The following HS6ST3 variants were observed in gnomAD, a reference collection of about 807,000 sequenced individuals.
HS6ST3 encodes heparan sulfate 6-O-sulfotransferase 3.
HS6ST3 carries 12 observed loss-of-function variants against 36.7 expected under a neutral mutation model. That is an observed-to-expected ratio of 0.33 (90% confidence interval 0.21 to 0.53). The LOEUF (loss-of-function observed/expected upper bound fraction) is 0.53, where lower values mean the gene tolerates loss of function less well. HS6ST3 is among the 20% of genes least tolerant of loss of function. The probability of loss-of-function intolerance (pLI) is 0.95; values close to 1 mark genes in which losing one functional copy is unlikely to be tolerated. For missense variants in HS6ST3, 584 were observed against 640.9 expected, an observed-to-expected ratio of 0.91 and a Z score of 0.96; for synonymous variants, 240 against 257.5, an observed-to-expected ratio of 0.93 and a Z score of 0.65.
chr13:96,548,971 C>T (rs2056208501), intron 1 of HS6ST3, among the ~76,000 whole-genome samples: 1 of 152,202 alleles, frequency 6.6e-6, no homozygotes, highest in South Asian at 2.1e-4. Flanking sequence ...TTGACACATA[C>T]AATCAACCCT....
chr13:96,827,157 C>T (rs1348350686), intron 1 of HS6ST3, among the ~76,000 whole-genome samples: 1 of 152,124 alleles, frequency 6.6e-6, no homozygotes, highest in East Asian at 1.9e-4. Context: ...TCACGGGGTG[C>T]CTAAGATCTC....
intron 1 of HS6ST3, among the ~76,000 whole-genome samples, chr13:96,330,322 G>A (rs571212875): frequency 4.0e-4 from 60 of 149,976 alleles, no homozygotes; most frequent in African/African-American, 1.3e-3. Context: ...GGCCGGTACC[G>A]GTTGTTCCTT....
At chr13:96,217,358 C>G (rs1476689626) in intron 1 of HS6ST3, among the ~76,000 whole-genome samples, 4 of 151,994 alleles carry the variant, frequency 2.6e-5, no homozygotes, top group Non-Finnish European at 4.4e-5. Context: ...TGCTCAAGGC[C>G]CATTTCTTGG....
chr13:96,693,365 C>T (rs1015728753), intron 1 of HS6ST3, among the ~76,000 whole-genome samples: 9 of 152,084 alleles, frequency 5.9e-5, no homozygotes, highest in East Asian at 1.9e-4. Context: ...AGTGCAATGG[C>T]GCAACCTTGG....
intron 1 of HS6ST3, among the ~76,000 whole-genome samples, chr13:96,218,444 G>A (rs573168130): frequency 6.4e-4 from 97 of 152,276 alleles, no homozygotes; most frequent in African/African-American, 2.2e-3. Flanking sequence ...GAGGGGCAGG[G>A]GAAGAGATCT....
chr13:96,832,283 C>T lies in HS6ST3; in HGVS notation c.708-207C>T, dbSNP rs557816092. Among the ~76,000 whole-genome samples the T allele has an allele frequency of 1.2e-4, 19 of 152,256 alleles. No homozygotes were observed. In the East Asian group the frequency reaches 3.7e-3, roughly 29 times the overall value. ...CCCACACTGGAGCAAGGAGGAAAAG[C>T]CCAACAAACTCAGTATTGAAAATTG... On this transcript the variant is annotated intron_variant, in intron 1 of 1. Coordinates refer to ENST00000376705, the MANE Select transcript of HS6ST3 (RefSeq NM_153456.4).
chr13:96,568,590 T>C (rs1211565252), intron 1 of HS6ST3, among the ~76,000 whole-genome samples: 1 of 152,308 alleles, frequency 6.6e-6, no homozygotes, highest in East Asian at 1.9e-4. Flanking sequence ...AGTGTCTATA[T>C]ATTATTATTT....
intron 1 of HS6ST3, among the ~76,000 whole-genome samples, chr13:96,381,097 T>C (rs1446404393): frequency 1.3e-5 from 2 of 152,208 alleles, no homozygotes; most frequent in Non-Finnish European, 2.9e-5. Flanking sequence ...AAATACTTAA[T>C]AAAAATTATG....
At chr13:96,536,154 T>G (rs551741521) in intron 1 of HS6ST3, among the ~76,000 whole-genome samples, 1 of 152,240 alleles carries the variant, frequency 6.6e-6, no homozygotes, top group South Asian at 2.1e-4. Context: ...GACTGAGTAC[T>G]GTCTACCTTC....
At chr13:96,152,059 C>G (rs1219108124) in intron 1 of HS6ST3, among the ~76,000 whole-genome samples, 3 of 152,170 alleles carry the variant, frequency 2.0e-5, no homozygotes, top group Admixed American at 2.0e-4. Context: ...CAGTTCACCT[C>G]ATAGCAATCC....
intron 1 of HS6ST3, among the ~76,000 whole-genome samples, chr13:96,581,079 CT>C (rs2056340239): frequency 6.6e-6 from 1 of 152,026 alleles, no homozygotes; most frequent in African/African-American, 2.4e-5. Context: ...TTCATACATG[CT>C]TTTTTGATTA....
chr13:96,734,961 A>G (rs1002110720), intron 1 of HS6ST3, among the ~76,000 whole-genome samples: 1 of 152,160 alleles, frequency 6.6e-6, no homozygotes. Flanking sequence ...AGCATCTTCT[A>G]GAACAAACTC....
intron 1 of HS6ST3, among the ~76,000 whole-genome samples, chr13:96,756,493 T>G (rs181538352): frequency 2.6e-5 from 4 of 152,344 alleles, no homozygotes; most frequent in African/African-American, 9.6e-5. Flanking sequence ...TTTAGTTTGA[T>G]GTATCCCTTA....
intron 1 of HS6ST3, among the ~76,000 whole-genome samples, chr13:96,813,495 T>C (rs557143331): frequency 4.3e-4 from 65 of 152,290 alleles, no homozygotes; most frequent in African/African-American, 1.5e-3. Flanking sequence ...AACATGTATT[T>C]GTTACTCAGT....
At chr13:96,762,006 A>G (rs976916299) in intron 1 of HS6ST3, among the ~76,000 whole-genome samples, 1 of 152,060 alleles carries the variant, frequency 6.6e-6, no homozygotes, top group African/African-American at 2.4e-5. Flanking sequence ...ATAGACACAT[A>G]TATACACACA....
intron 1 of HS6ST3, among the ~76,000 whole-genome samples, chr13:96,535,292 C>T (rs2056150947): frequency 6.6e-6 from 1 of 152,078 alleles, no homozygotes; most frequent in African/African-American, 2.4e-5. Context: ...CATGGTGGCT[C>T]ATGCCTGTAA....
chr13:96,730,575 TA>T lies in HS6ST3; in HGVS notation c.708-101914del, dbSNP rs540826032. On this transcript the variant is annotated intron_variant, in intron 1 of 1. Transcript: ENST00000376705. ...TGTGTATTTATCATGTACAATGTGA[TA>T]TTTTTTTTTGAGACAGGGTCTCACC... Among the ~76,000 whole-genome samples, 27 of 152,208 alleles carry T rather than the reference TA, an allele frequency of 1.8e-4. No homozygotes were observed. In the South Asian group the frequency reaches 1.9e-3, roughly 11 times the overall value.
At chr13:96,138,370 CATAT>C (rs991694539) in intron 1 of HS6ST3, among the ~76,000 whole-genome samples, 1 of 149,472 alleles carries the variant, frequency 6.7e-6, no homozygotes, top group Non-Finnish European at 1.5e-5. Context: ...TGATATATAA[CATAT>C]ATAAATATAT....
At chr13:96,253,932 T>C (rs534759596) in intron 1 of HS6ST3, among the ~76,000 whole-genome samples, 1 of 152,334 alleles carries the variant, frequency 6.6e-6, no homozygotes, top group East Asian at 1.9e-4. Context: ...GATTGACCAT[T>C]TTTTCTTTAT....
Sources: allele counts gnomAD v4.1 joint callset (sites outside exome capture counted in the v4.1 genomes callset), GRCh38; gene constraint gnomAD v4.1.1; transcripts MANE v1.5; gene names NCBI Gene and HGNC (gene_info 2026-07-23, HGNC 2026-07-21).